The following TTI2 variants were observed in gnomAD, a reference collection of about 807,000 sequenced individuals.
TTI2 encodes the protein TELO2-interacting protein 2.
Under a neutral mutation model 44.9 loss-of-function variants are expected in TTI2, and 26 were observed. The observed-to-expected ratio is 0.58, with a 90% CI of 0.42 to 0.80. The LOEUF (loss-of-function observed/expected upper bound fraction) is 0.80. Ranked by LOEUF, TTI2 falls within the 30% of genes least tolerant of loss-of-function variation. TTI2 has a pLI of 0.00. For synonymous variants in TTI2, 254 were observed against 250.9 expected (o/e 1.01, Z -0.12); for missense variants, 582 against 611.6 (o/e 0.95, Z 0.51).
chr8:33,502,839 A>T (rs1169652326), intron 6 of TTI2, among the ~76,000 whole-genome samples: 1 of 104,150 alleles, frequency 9.6e-6, no homozygotes, highest in East Asian at 2.6e-4. Flanking sequence ...AACAAAAACA[A>T]AAACAAAAGG....
chr8:33,511,321 G>A (rs1041274433), intron 2 of TTI2, among the ~76,000 whole-genome samples: 1 of 152,026 alleles, frequency 6.6e-6, no homozygotes, highest in Admixed American at 6.6e-5. Context: ...GGGACTACAG[G>A]AGTGAGCCAC....
Position 33,499,052 on chromosome 8 carries a change from GGAAA to G in TTI2, c.*117_*120del. ...ATGGAGGTAAAAGGAAAGGAAGGAAGGAAAAAGCAGCTTTCACTTACAAAGTTTC... is the reference window on the plus strand; with the variant it reads ...ATGGAGGTAAAAGGAAAGGAAGGAAGAAGCAGCTTTCACTTACAAAGTTTC... On this transcript the variant is annotated 3_prime_UTR_variant, in exon 8 of 8. Transcript: ENST00000431156. 1 of 836,714 alleles carries G rather than the reference GGAAA, an allele frequency of 1.2e-6. No individual in the cohort carries two copies. Among genetic ancestry groups the G allele is most frequent in the Non-Finnish European group, 2.0e-6 (1 of 505,234 alleles). 51.8% of individuals were successfully genotyped at this position (836,714 alleles called of 1,614,324 possible).
rs1374514401 is a variant in TTI2, at chr8:33,503,844, T to C, written c.1019A>G (p.Asp340Gly). 1.2e-6 allele frequency: 2 copies of C among 1,614,046 alleles called. No homozygotes were observed. The highest frequency in any genetic ancestry group is 1.3e-5 in the African/African-American group (1 of 74,924). ...GGTCAGGATCAGCCGCAGGACCTCA[T>C]CACAATGGGTGGTGGGTCGAGCTCC... ...GDGARPTTHC[D>G]EVLRLILTHM... Residue 340 changes from aspartate (D) to glycine (G), a missense_variant, in exon 5 of 8, where the codon GAT becomes GGT. Asp to Gly is a moderately conservative substitution (Grantham distance 94, BLOSUM62 -1). Transcript: ENST00000431156.
At chr8:33,501,447 C>T (rs1240727829) in intron 6 of TTI2, among the ~76,000 whole-genome samples, 1 of 152,160 alleles carries the variant, frequency 6.6e-6, no homozygotes. Flanking sequence ...ATTCACTCTC[C>T]CTTCTTGGAA....
In TTI2 at chr8:33,510,151, T is replaced by G. The variant is rs181734466; in HGVS notation, c.648-219A>C. On this transcript the variant is annotated intron_variant, in intron 2 of 7. Transcript: ENST00000431156. ...AAATAATCATCCAGGGCTTTGGGTC[T>G]ACAGCCTATCCAATGAGAAGGAGTC... Among the ~76,000 whole-genome samples the G allele has an allele frequency of 1.7e-3, 259 of 152,304 alleles. 2 individuals are homozygous for G. Among genetic ancestry groups the G allele is most frequent in the African/African-American group, 5.7e-3 (238 of 41,578 alleles).
intron 6 of TTI2, 60 bp from the exon 7 acceptor site, chr8:33,500,550 G>T: frequency 6.3e-7 from 1 of 1,584,344 alleles, no homozygotes; most frequent in South Asian, 1.1e-5. Flanking sequence ...AATTGGAAGA[G>T]ACTTCAAAGA....
intron 7 of TTI2, chr8:33,500,126 T>C (rs559674754): frequency 5.2e-6 from 3 of 572,210 alleles, no homozygotes; most frequent in African/African-American, 1.9e-5. Flanking sequence ...CCTTTAGTTC[T>C]AAATGGTTCT....
intron 3 of TTI2, among the ~76,000 whole-genome samples, chr8:33,508,084 T>A (rs1370586795): frequency 3.6e-5 from 1 of 27,650 alleles, no homozygotes; most frequent in Non-Finnish European, 7.2e-5. Context: ...TGGCTAGCGG[T>A]AGTAAAAAAA....
chr8:33,500,580 C>T lies in TTI2; in HGVS notation c.1260-90G>A, dbSNP rs1809038771. The T allele has an allele frequency of 3.4e-6, 5 of 1,487,048 alleles. No individual in the cohort carries two copies. The South Asian group carries it at 6.2e-5, about 18-fold the overall frequency. The allele number at this position is 1,487,048 out of a possible 1,614,324, so 92.1% of individuals were successfully genotyped here. On this transcript the variant is annotated intron_variant, in intron 6 of 7. Transcript: ENST00000431156. ...CAAAGACTGTCAAGTGGAAAGCTAT[C>T]ATTTCCTAAATTAAGGAACTTAGGT...
intron 7 of TTI2, chr8:33,499,637 C>G (rs567085151): frequency 5.1e-6 from 1 of 197,544 alleles, no homozygotes; most frequent in Admixed American, 5.5e-5. Flanking sequence ...AATAACAATT[C>G]ATACTATCTC....
chr8:33,499,464 G>A (rs1585320321), intron 7 of TTI2, 187 bp from the exon 8 acceptor site: 1 of 536,250 alleles, frequency 1.9e-6, no homozygotes, highest in Non-Finnish European at 3.3e-6. Context: ...TAGCTCTCAT[G>A]TATTGAAGGT....
chr8:33,507,962 C>T lies in TTI2; in HGVS notation c.835-641G>A, dbSNP rs547073256. ...TATGATTGTGCCACTGCACTCTAGC[C>T]TGGGTAACAGAGCAAGACCCTGTCT... On this transcript the variant is annotated intron_variant, in intron 3 of 7. Coordinates refer to ENST00000431156, the MANE Select transcript of TTI2 (RefSeq NM_001102401.4). Among the ~76,000 whole-genome samples, 4 of 145,378 alleles carry T rather than the reference C, an allele frequency of 2.8e-5. No homozygotes were observed. In the East Asian group the frequency reaches 8.2e-4, roughly 30 times the overall value.
chr8:33,511,199 T>C (rs1170372338), intron 2 of TTI2, among the ~76,000 whole-genome samples: 2 of 151,956 alleles, frequency 1.3e-5, no homozygotes, highest in Non-Finnish European at 2.9e-5. Flanking sequence ...TCCACCACCA[T>C]GCCCAGCTAA....
At chr8:33,509,539 C>G (rs557023724) in intron 3 of TTI2, among the ~76,000 whole-genome samples, 1 of 151,768 alleles carries the variant, frequency 6.6e-6, no homozygotes, top group Admixed American at 6.6e-5. Context: ...TGATAATGAC[C>G]CATGCCTTCC....
intron 2 of TTI2, among the ~76,000 whole-genome samples, chr8:33,510,224 G>A (rs1425468055): frequency 2.6e-5 from 4 of 152,024 alleles, no homozygotes; most frequent in Non-Finnish European, 5.9e-5. Flanking sequence ...GGATGGTGAA[G>A]GTATGTTGAG....
At chr8:33,500,920 G>A (rs115480059) in intron 6 of TTI2, 2,325 of 158,042 alleles carry the variant, frequency 0.015, 73 homozygotes, top group African/African-American at 0.053. Flanking sequence ...AGGGAAATGA[G>A]CTTGGCTTCT....
Position 33,512,716 on chromosome 8 carries a change from A to C in TTI2, c.-99-4T>G. 7.7e-7 allele frequency: 1 copy of C among 1,293,624 alleles called. No homozygotes were observed. Among genetic ancestry groups the C allele is most frequent in the Non-Finnish European group, 1.1e-6 (1 of 935,624 alleles). The allele number at this position is 1,293,624 out of a possible 1,614,324, so 80.1% of individuals were successfully genotyped here. A position where few individuals can be genotyped will look rare whatever the true frequency, so the allele number is the denominator to read the frequency against. ...AGGAGCGATCACCCAAAGAGAACTA[A>C]AATCAAATAAAATAAAACAGAGAGA... On this transcript the variant is annotated splice_polypyrimidine_tract_variant and splice_region_variant and intron_variant, in intron 1 of 7. Coordinates refer to ENST00000431156, the MANE Select transcript of TTI2 (RefSeq NM_001102401.4).
At chr8:33,508,614 C>A (rs1264527670) in intron 3 of TTI2, among the ~76,000 whole-genome samples, 2 of 24,620 alleles carry the variant, frequency 8.1e-5, no homozygotes, top group African/African-American at 1.8e-4. Context: ...CAAGACTCTG[C>A]CTCAAAAAAA....
At chr8:33,504,634 C>T (rs1363783616) in intron 4 of TTI2, among the ~76,000 whole-genome samples, 1 of 151,856 alleles carries the variant, frequency 6.6e-6, no homozygotes, top group Non-Finnish European at 1.5e-5. Flanking sequence ...ATAAAATACA[C>T]TAACACTAAT....
Sources: gnomAD v4.1 joint callset for allele counts (sites outside exome capture counted in the v4.1 genomes callset) on GRCh38, gnomAD v4.1.1 for gene constraint, MANE v1.5 for transcripts, NCBI Gene and HGNC (gene_info 2026-07-23, HGNC 2026-07-21) for gene names.